The following DGKK variants were observed in gnomAD, a reference collection of about 807,000 sequenced individuals.
DGKK encodes 142 kDa diacylglycerol kinase.
DGKK carries 35 observed loss-of-function variants against 92.2 expected under a neutral mutation model. The observed-to-expected ratio is 0.38, with a 90% CI of 0.29 to 0.50. The LOEUF (loss-of-function observed/expected upper bound fraction) is 0.50. Among genes scored for constraint, DGKK ranks in the 20% least tolerant of loss-of-function variants. The pLI is 0.92. For synonymous variants in DGKK, 368 were observed against 360.6 expected, an observed-to-expected ratio of 1.02 and a Z score of -0.23; for missense variants, 910 against 992.2, an observed-to-expected ratio of 0.92 and a Z score of 1.11.
Position 50,393,138 on chromosome X carries a change from G to C in DGKK, c.1595+14C>G, listed in dbSNP as rs782577661. ...CCTTACATACCCAATCATATCCATGGGATACAGGCTTACCCTGCTTCAGGT... is the reference window on the plus strand; with the variant it reads ...CCTTACATACCCAATCATATCCATGCGATACAGGCTTACCCTGCTTCAGGT... On this transcript the variant is annotated intron_variant, in intron 9 of 27. Transcript: ENST00000611977. The C allele has an allele frequency of 8.4e-7, 1 of 1,190,738 alleles. No homozygotes were observed. Among genetic ancestry groups the C allele is most frequent in the Non-Finnish European group, 1.1e-6 (1 of 879,230 alleles).
chrX:50,431,701 A>C (rs1401390297), intron 1 of DGKK, among the ~76,000 whole-genome samples: 1 of 111,274 alleles, frequency 9.0e-6, no homozygotes, highest in African/African-American at 3.3e-5. Flanking sequence ...CGCTTGCCAA[A>C]GTTGATTCAA....
intron 8 of DGKK, among the ~76,000 whole-genome samples, chrX:50,397,764 T>C (rs781816697): frequency 3.3e-4 from 37 of 112,319 alleles, no homozygotes; most frequent in African/African-American, 9.0e-4. Flanking sequence ...AAGGAATTCA[T>C]GTAACAAATC....
chrX:50,431,732 T>A (rs1925893539), intron 1 of DGKK, among the ~76,000 whole-genome samples: 1 of 111,448 alleles, frequency 9.0e-6, no homozygotes, highest in South Asian at 3.8e-4. Context: ...TTTGATTTGG[T>A]TAAAATGCAA....
chrX:50,407,747 T>C (rs1307809452), intron 4 of DGKK, among the ~76,000 whole-genome samples: 1 of 111,988 alleles, frequency 8.9e-6, no homozygotes, highest in Non-Finnish European at 1.9e-5. Context: ...ATTCTCAGCC[T>C]ATCCATATTG....
chrX:50,422,305 T>A, intron 3 of DGKK, 141 bp downstream of exon 3: 1 of 426,909 alleles, frequency 2.3e-6, no homozygotes, highest in Admixed American at 4.7e-5. Context: ...TGCTAGAAAA[T>A]GTTTGCATGA....
rs1486174009 is a variant in DGKK, at chrX:50,449,621, ACAGTGGCTTCAAGAGCTGAG to A, written c.645+20393_645+20412del. Among the ~76,000 whole-genome samples, 204 of 111,397 alleles carry A rather than the reference ACAGTGGCTTCAAGAGCTGAG, an allele frequency of 1.8e-3. 1 individual carries two copies. The highest frequency in any genetic ancestry group is 6.4e-3 in the African/African-American group (196 of 30,632). On this transcript the variant is annotated intron_variant, in intron 1 of 27. Transcript: ENST00000611977. ...TAGAGAGAAAAGGCAATGATGAAGC[ACAGTGGCTTCAAGAGCTGAG>A]CCGGCTCACAACCACTCCTGTGCTA...
At chrX:50,469,020 C>T (rs782603649) in intron 1 of DGKK, among the ~76,000 whole-genome samples, 1 of 111,011 alleles carries the variant, frequency 9.0e-6, no homozygotes, top group Non-Finnish European at 1.9e-5. Flanking sequence ...GCAGGAAAGA[C>T]AGGCATACTC....
intron 12 of DGKK, among the ~76,000 whole-genome samples, chrX:50,389,940 A>C (rs1283995158): frequency 9.0e-6 from 1 of 111,400 alleles, no homozygotes; most frequent in African/African-American, 3.3e-5. Flanking sequence ...ACTGAGATAG[A>C]TCTTCCTGCT....
intron 1 of DGKK, among the ~76,000 whole-genome samples, chrX:50,442,611 T>C (rs1199207691): frequency 2.7e-5 from 3 of 111,577 alleles, no homozygotes; most frequent in Admixed American, 1.9e-4. Flanking sequence ...AAGTGGGACC[T>C]TGCAGAGGAT....
At chrX:50,445,857 T>C (rs1009330701) in intron 1 of DGKK, among the ~76,000 whole-genome samples, 7 of 111,417 alleles carry the variant, frequency 6.3e-5, no homozygotes, top group African/African-American at 1.6e-4. Context: ...GTTGAATCTC[T>C]AAATTTCTTT....
chrX:50,379,315 C>CAAAAA (rs1214871132), intron 20 of DGKK, among the ~76,000 whole-genome samples: 1 of 38,808 alleles, frequency 2.6e-5, no homozygotes, highest in African/African-American at 9.4e-5. Flanking sequence ...GACTCCGTTT[C>CAAAAA]AAAAAAAAAA....
At chrX:50,441,394 T>C (rs958708118) in intron 1 of DGKK, among the ~76,000 whole-genome samples, 2 of 110,939 alleles carry the variant, frequency 1.8e-5, no homozygotes, top group South Asian at 3.8e-4. Context: ...GAAACTAAGG[T>C]GGGTACACGA....
Position 50,378,292 on chromosome X carries a change from C to T in DGKK, c.2977-60G>A, listed in dbSNP as rs1166550807. 3 of 1,143,046 alleles carry T rather than the reference C, an allele frequency of 2.6e-6. No homozygotes were observed. In the Admixed American group the frequency reaches 7.5e-5, roughly 28 times the overall value. The allele number at this position is 1,143,046 out of a possible 1,213,427, so 94.2% of individuals were successfully genotyped here. ...AATGGGGCAACTGCTGTAACTCTAT[C>T]TGATAATCTCATAGTTATGGCCTTG... On this transcript the variant is annotated intron_variant, in intron 21 of 27. Transcript: ENST00000611977.
chrX:50,421,697 C>A (rs1403318185), intron 3 of DGKK, among the ~76,000 whole-genome samples: 4 of 111,660 alleles, frequency 3.6e-5, no homozygotes, highest in Non-Finnish European at 7.5e-5. Context: ...TCTTCTTAGA[C>A]CCAGCCGCTC....
In DGKK at chrX:50,470,761, A is replaced by G; in HGVS notation, c.-83T>C. The G allele has an allele frequency of 9.7e-7, 1 of 1,032,337 alleles. No individual in the cohort carries two copies. The highest frequency in any genetic ancestry group is 1.3e-6 in the Non-Finnish European group (1 of 793,716). The allele number at this position is 1,032,337 out of a possible 1,213,427, so 85.1% of individuals were successfully genotyped here. The stretch of plus-strand genomic sequence containing the variant: ...TACCCTCGGGCGCCCCGCCCACTCC[A>G]GTCCGGCAGCCCCTCGCAGGGTGCC... On this transcript the variant is annotated 5_prime_UTR_variant, in exon 1 of 28. Transcript: ENST00000611977.
At chrX:50,404,447 T>A (rs1189102820) in intron 4 of DGKK, among the ~76,000 whole-genome samples, 2 of 95,267 alleles carry the variant, frequency 2.1e-5, no homozygotes, top group African/African-American at 4.1e-5. Context: ...GTAATTATCT[T>A]TTTTTTTTTT....
intron 24 of DGKK, 77 bp downstream of exon 24, chrX:50,375,947 C>T (rs192664195): frequency 1.2e-5 from 13 of 1,109,422 alleles, no homozygotes; most frequent in Admixed American, 7.9e-5. Flanking sequence ...GTCCAGCCTC[C>T]GGCTCCACTT....
rs782675566 is a variant in DGKK, at chrX:50,418,314, A to G, written c.942+2089T>C. On this transcript the variant is annotated intron_variant, in intron 4 of 27. Transcript: ENST00000611977. ...GTTTCTGTGTATATAGCGTCTCCCT[A>G]TTACCTACAAAGCTCATTGAGGCCT... 1.3e-4 allele frequency among the ~76,000 whole-genome samples: 15 copies of G among 111,872 alleles called. No individual in the cohort carries two copies. In the East Asian group the frequency reaches 4.2e-3, roughly 31 times the overall value.
intron 4 of DGKK, among the ~76,000 whole-genome samples, chrX:50,407,879 A>T (rs1028359505): frequency 8.9e-6 from 1 of 112,510 alleles, no homozygotes; most frequent in East Asian, 2.8e-4. Flanking sequence ...ACACTGTCAG[A>T]TTGGACTGAA....
Sources: gnomAD v4.1 joint callset for allele counts (sites outside exome capture counted in the v4.1 genomes callset) on GRCh38, gnomAD v4.1.1 for gene constraint, MANE v1.5 for transcripts, NCBI Gene and HGNC (gene_info 2026-07-23, HGNC 2026-07-21) for gene names.